GAB2: variants seen among roughly 807,000 people sequenced by gnomAD.
GAB2 encodes the protein GRB2-associated-binding protein 2.
GAB2 carries 26 observed loss-of-function variants against 65.5 expected under a neutral mutation model. That is an observed-to-expected ratio of 0.40 (90% CI 0.29 to 0.55). The LOEUF (loss-of-function observed/expected upper bound fraction) is 0.55, where lower values mean the gene tolerates loss of function less well. GAB2 is among the 20% of genes least tolerant of loss of function. The pLI is 0.53. For synonymous variants in GAB2, 321 were observed against 329.6 expected, an observed-to-expected ratio of 0.97 and a Z score of 0.28; for missense variants, 884 against 875.8, an observed-to-expected ratio of 1.01 and a Z score of -0.12.
Position 78,311,347 on chromosome 11 carries a change from G to A in GAB2, c.76-30446C>T, listed in dbSNP as rs573989728. Among the ~76,000 whole-genome samples, 56 of 152,118 alleles carry A rather than the reference G, an allele frequency of 3.7e-4. No individual in the cohort carries two copies. In the Middle Eastern group the frequency reaches 0.01, roughly 28 times the overall value. On this transcript the variant is annotated intron_variant, in intron 1 of 9. Coordinates refer to ENST00000361507, the MANE Select transcript of GAB2 (RefSeq NM_080491.3). ...GCCTCAGTTTCAATTATAAAATGAA[G>A]ATGATAATCCTAACCAGGTTGTTAC...
intron 3 of GAB2, among the ~76,000 whole-genome samples, chr11:78,230,481 C>T (rs1468229097): frequency 6.6e-6 from 1 of 152,268 alleles, no homozygotes; most frequent in Non-Finnish European, 1.5e-5. Flanking sequence ...TTATGGTAAT[C>T]ATTCCTTCCT....
intron 1 of GAB2, among the ~76,000 whole-genome samples, chr11:78,314,363 G>A (rs927914266): frequency 3.9e-5 from 6 of 152,310 alleles, no homozygotes; most frequent in African/African-American, 1.4e-4. Flanking sequence ...CTCACATGGT[G>A]TAATTTTTAA....
chr11:78,388,768 A>G (rs998871770), intron 1 of GAB2, among the ~76,000 whole-genome samples: 1 of 152,232 alleles, frequency 6.6e-6, no homozygotes, highest in African/African-American at 2.4e-5. Flanking sequence ...AAGCAAATGC[A>G]ATGATTCTAT....
At chr11:78,287,218 G>A (rs1371620129) in intron 1 of GAB2, among the ~76,000 whole-genome samples, 1 of 152,174 alleles carries the variant, frequency 6.6e-6, no homozygotes, top group Non-Finnish European at 1.5e-5. Flanking sequence ...GAACAGAGGG[G>A]AGCTTCTTCA....
chr11:78,341,910 T>C, intron 1 of GAB2: 1 of 984,766 alleles, frequency 1.0e-6, no homozygotes, highest in Non-Finnish European at 1.2e-6. Flanking sequence ...AATGGCTAAG[T>C]GCAATGTTTA....
chr11:78,409,766 A>C (rs1857103190), intron 1 of GAB2, among the ~76,000 whole-genome samples: 1 of 152,216 alleles, frequency 6.6e-6, no homozygotes, highest in Non-Finnish European at 1.5e-5. Flanking sequence ...CTATCAATCA[A>C]AAAGATATAA....
At chr11:78,334,309 T>C (rs1026202954) in intron 1 of GAB2, among the ~76,000 whole-genome samples, 1 of 152,232 alleles carries the variant, frequency 6.6e-6, no homozygotes, top group Non-Finnish European at 1.5e-5. Context: ...TTATTGACTA[T>C]AGTTACCCTG....
chr11:78,318,593 G>C (rs957742426), intron 1 of GAB2, among the ~76,000 whole-genome samples: 4 of 152,044 alleles, frequency 2.6e-5, no homozygotes, highest in South Asian at 4.1e-4. Context: ...GGAGAGGAAA[G>C]AAAGATCCCT....
At chr11:78,302,085 T>C (rs902757697) in intron 1 of GAB2, among the ~76,000 whole-genome samples, 2 of 149,706 alleles carry the variant, frequency 1.3e-5, no homozygotes, top group East Asian at 1.9e-4. Context: ...ACTATAAAAA[T>C]TCTATTAAGA....
At chr11:78,253,686 A>C (rs750005299) in intron 2 of GAB2, among the ~76,000 whole-genome samples, 10 of 152,186 alleles carry the variant, frequency 6.6e-5, no homozygotes, top group Non-Finnish European at 1.2e-4. Context: ...GGAAAATACC[A>C]ATCTTTCTCT....
intron 1 of GAB2, among the ~76,000 whole-genome samples, chr11:78,391,858 C>A (rs1286103281): frequency 6.6e-6 from 1 of 152,158 alleles, no homozygotes; most frequent in African/African-American, 2.4e-5. Context: ...AACTTTTGGG[C>A]ATGCTTTAAT....
At chr11:78,416,732 C>A (rs1857201105) in intron 1 of GAB2, among the ~76,000 whole-genome samples, 1 of 149,906 alleles carries the variant, frequency 6.7e-6, no homozygotes, top group Admixed American at 6.7e-5. Context: ...CTGGCACCAT[C>A]TTGTACTTTG....
At chr11:78,302,836 A>G (rs575066699) in intron 1 of GAB2, among the ~76,000 whole-genome samples, 2 of 152,378 alleles carry the variant, frequency 1.3e-5, no homozygotes, top group African/African-American at 4.8e-5. Context: ...CTATACAGAT[A>G]GATATATGAT....
At chr11:78,249,092 A>T (rs770408564) in intron 3 of GAB2, among the ~76,000 whole-genome samples, 1 of 152,214 alleles carries the variant, frequency 6.6e-6, no homozygotes, top group Non-Finnish European at 1.5e-5. Context: ...ATGACTCAGA[A>T]AAACAAAAGT....
At position 78,390,989 on chromosome 11, in the gene GAB2, C is replaced by T. The variant is rs116376429; in HGVS notation, c.75+26657G>A. Among the ~76,000 whole-genome samples the T allele has an allele frequency of 6.8e-3, 1,032 of 152,210 alleles. 12 individuals are homozygous for T. The highest frequency in any genetic ancestry group is 0.023 in the African/African-American group (970 of 41,538). On this transcript the variant is annotated intron_variant, in intron 1 of 9. Transcript: ENST00000361507. The stretch of plus-strand genomic sequence containing the variant: ...AGGGAAGTGGGCGGTACTATGAAAG[C>T]GGAAGTATTTACTCAAAGAGCCCTG...
At chr11:78,362,421 C>A (rs1856445901) in intron 1 of GAB2, among the ~76,000 whole-genome samples, 1 of 151,486 alleles carries the variant, frequency 6.6e-6, no homozygotes, top group African/African-American at 2.4e-5. Flanking sequence ...AGTGTAACTT[C>A]CAAATAAGCA....
At position 78,355,680 on chromosome 11, in the gene GAB2, T is replaced by TAAAAA. The variant is rs67850407; in HGVS notation, c.75+61961_75+61965dup. Among the ~76,000 whole-genome samples the TAAAAA allele has an allele frequency of 1.8e-3, 144 of 79,132 alleles. 1 individual carries two copies. Among genetic ancestry groups the TAAAAA allele is most frequent in the African/African-American group, 7.4e-3 (128 of 17,400 alleles). 51.9% of individuals were successfully genotyped at this position (79,132 alleles called of 152,430 possible). On this transcript the variant is annotated intron_variant, in intron 1 of 9. Coordinates refer to ENST00000361507, the MANE Select transcript of GAB2 (RefSeq NM_080491.3). ...AAACAGAGAGAGACCCTGTCTCACT[T>TAAAAA]AAAAAAAAAAAAAAAAAAAAAAAAG...
chr11:78,358,439 T>TATA (rs201503823), intron 1 of GAB2, among the ~76,000 whole-genome samples: 21,728 of 117,090 alleles, frequency 0.19, 1,919 homozygotes, highest in Middle Eastern at 0.25. Flanking sequence ...GAACTTAAAA[T>TATA]ATAATAATAA....
At chr11:78,366,221 G>A (rs538148616) in intron 1 of GAB2, among the ~76,000 whole-genome samples, 3 of 152,088 alleles carry the variant, frequency 2.0e-5, no homozygotes, top group Admixed American at 6.5e-5. Flanking sequence ...AAACCATACC[G>A]AGTTCTTAAT....
Sources: allele counts gnomAD v4.1 joint callset (sites outside exome capture counted in the v4.1 genomes callset), GRCh38; gene constraint gnomAD v4.1.1; transcripts MANE v1.5; gene names NCBI Gene and HGNC (gene_info 2026-07-23, HGNC 2026-07-21).